MTG2: variants seen among roughly 807,000 people sequenced by gnomAD.
MTG2 encodes mitochondrial ribosome-associated GTPase 2.
In MTG2, 23 loss-of-function variants were observed where a neutral mutation model predicts 28.6. That is an observed-to-expected ratio of 0.80 (90% CI 0.58 to 1.14). The LOEUF (loss-of-function observed/expected upper bound fraction) is 1.14, where lower values mean the gene tolerates loss of function less well. Among genes scored for constraint, MTG2 ranks in the 50% most tolerant of loss-of-function variants. The pLI is 0.00. For synonymous variants in MTG2, 260 were observed against 251.8 expected (o/e 1.03, Z -0.31); for missense variants, 539 against 552.0 (o/e 0.98, Z 0.24).
At chr20:62,199,040 C>T in intron 5 of MTG2, 79 bp from the exon 6 acceptor site, 2 of 1,594,818 alleles carry the variant, frequency 1.3e-6, no homozygotes, top group Non-Finnish European at 1.7e-6. Flanking sequence ...ATCCTCCCTC[C>T]AATCCCAGTT....
intron 2 of MTG2, 166 bp downstream of exon 2, chr20:62,193,790 G>A (rs2058007244): frequency 4.3e-6 from 3 of 703,656 alleles, no homozygotes; most frequent in Admixed American, 3.0e-5. Flanking sequence ...GCAGGCCTGC[G>A]TGCTAAATCC....
intron 3 of MTG2, 107 bp from the exon 4 acceptor site, chr20:62,197,745 A>G: frequency 5.9e-6 from 5 of 841,672 alleles, no homozygotes; most frequent in Non-Finnish European, 7.9e-6. Flanking sequence ...CCCTCACTCC[A>G]TGCTTCCATA....
chr20:62,185,050 C>T (rs1171743948), intron 1 of MTG2, among the ~76,000 whole-genome samples: 1 of 151,994 alleles, frequency 6.6e-6, no homozygotes, highest in Non-Finnish European at 1.5e-5. Context: ...GCGGAGGTTA[C>T]AGTGAGCCAA....
chr20:62,198,387 G>C, intron 4 of MTG2: 1 of 580,668 alleles, frequency 1.7e-6, no homozygotes, highest in South Asian at 2.1e-5. Context: ...TAACGTTTTA[G>C]AAACACTATT....
chr20:62,197,985 G>C lies in MTG2; in HGVS notation c.468+18G>C, dbSNP rs6062140. ...ACATCCGGGTGAGCCGAGACTGCCG[G>C]ACCTGGCCCTGTCCCCGTTGTTCTG... On this transcript the variant is annotated intron_variant, in intron 4 of 6. Transcript: ENST00000370823. 0.35 allele frequency: 560,383 copies of C among 1,605,020 alleles called. 101,986 individuals carry two copies. The highest frequency in any genetic ancestry group is 0.69 in the East Asian group (30,784 of 44,786).
intron 1 of MTG2, among the ~76,000 whole-genome samples, chr20:62,192,392 AAGCATAGGAGCCTTTGTCCCC>A (rs2057977755): frequency 6.6e-6 from 1 of 152,216 alleles, no homozygotes; most frequent in African/African-American, 2.4e-5. Flanking sequence ...AGAGGGTCCT[AAGCATAGGAGCCTTTGTCCCC>A]AGGGAGTTGT....
intron 1 of MTG2, among the ~76,000 whole-genome samples, chr20:62,187,682 A>C (rs2057874936): frequency 6.6e-6 from 1 of 152,208 alleles, no homozygotes; most frequent in Admixed American, 6.5e-5. Context: ...GTGTCCTGAT[A>C]ACCCGTTGAA....
At chr20:62,198,605 T>C in intron 4 of MTG2, 29 bp from the exon 5 acceptor site, 2 of 1,607,546 alleles carry the variant, frequency 1.2e-6, no homozygotes, top group Non-Finnish European at 1.7e-6. Context: ...CTGGTAGAGC[T>C]CAGCTGATGA....
intron 1 of MTG2, among the ~76,000 whole-genome samples, chr20:62,183,979 A>T (rs1476843898): frequency 6.6e-6 from 1 of 152,198 alleles, no homozygotes; most frequent in Non-Finnish European, 1.5e-5. Flanking sequence ...AGGCCAGAGG[A>T]TACTATGTGA....
intron 1 of MTG2, among the ~76,000 whole-genome samples, chr20:62,188,207 A>G (rs1313371453): frequency 6.6e-6 from 1 of 150,692 alleles, no homozygotes; most frequent in Non-Finnish European, 1.5e-5. Flanking sequence ...TTCTCTTTTG[A>G]TTTCTTCTTT....
Position 62,188,508 on chromosome 20 carries a change from A to ATTTTTTT in MTG2, c.-5-4890_-5-4884dup, listed in dbSNP as rs1192106476. ...ACCACCATGTCCAGCTAATCAGCTA[A>ATTTTTTT]TTTTTTTTTTTTTTTTTTTTTTTTG... On this transcript the variant is annotated intron_variant, in intron 1 of 6. Transcript: ENST00000370823. 7.9e-4 allele frequency among the ~76,000 whole-genome samples: 71 copies of ATTTTTTT among 89,714 alleles called. 2 individuals carry two copies. Among genetic ancestry groups the ATTTTTTT allele is most frequent in the African/African-American group, 1.2e-3 (27 of 22,458 alleles). 58.9% of individuals were successfully genotyped at this position (89,714 alleles called of 152,430 possible).
At chr20:62,184,125 A>C (rs750895513) in intron 1 of MTG2, among the ~76,000 whole-genome samples, 6 of 152,300 alleles carry the variant, frequency 3.9e-5, no homozygotes, top group Admixed American at 2.6e-4. Flanking sequence ...TTGGGAGGCC[A>C]AGGCGGGCAG....
At chr20:62,189,458 C>T (rs777182181) in intron 1 of MTG2, among the ~76,000 whole-genome samples, 8 of 151,986 alleles carry the variant, frequency 5.3e-5, no homozygotes, top group Non-Finnish European at 7.4e-5. Context: ...TATAGGGGTG[C>T]GCCACCATGC....
rs1332163066 is a variant in MTG2 at position 62,201,098 on chromosome 20, C to T, written c.*21C>T. 15 of 1,557,722 alleles carry T rather than the reference C, an allele frequency of 9.6e-6. No homozygotes were observed. Among genetic ancestry groups the T allele is most frequent in the South Asian group, 4.7e-5 (4 of 84,982 alleles). ...GGTAGCCACGCCAGAGCGGGGTCGC[C>T]TCTGGGCCTCTGTCTGAGCAAACCT... On this transcript the variant is annotated 3_prime_UTR_variant, in exon 7 of 7. Coordinates refer to ENST00000370823, the MANE Select transcript of MTG2 (RefSeq NM_015666.4).
rs778922889 is a variant in MTG2 at position 62,198,758 on chromosome 20, A to G, written c.593A>G (p.Asn198Ser). Residue 198 changes from asparagine to serine, a missense_variant, in exon 5 of 7, where the codon AAC becomes AGC. Coordinates refer to ENST00000370823, the MANE Select transcript of MTG2 (RefSeq NM_015666.4). Reference sequence around the variant, plus strand: ...AAAGGCAACCGCTTCTTCCTGGCCAACAACAACCGTGCCCCTGTGACCTGT... The same window carrying G: ...AAAGGCAACCGCTTCTTCCTGGCCAGCAACAACCGTGCCCCTGTGACCTGT... ...GGKGNRFFLA[N>S]NNRAPVTCTP... is the part of the protein sequence containing the mutation. 1 of 1,614,136 alleles carries G rather than the reference A, an allele frequency of 6.2e-7. No homozygotes were observed. Among genetic ancestry groups the G allele is most frequent in the East Asian group, 2.2e-5 (1 of 44,886 alleles).
chr20:62,184,171 A>G (rs1240263309), intron 1 of MTG2, among the ~76,000 whole-genome samples: 4 of 152,236 alleles, frequency 2.6e-5, no homozygotes, highest in Non-Finnish European at 5.9e-5. Context: ...AGCCTGGCCA[A>G]CATGGTGAAA....
At chr20:62,199,908 G>C (rs566970199) in intron 6 of MTG2, 2 of 152,096 alleles carry the variant, frequency 1.3e-5, no homozygotes, top group South Asian at 4.2e-4. Flanking sequence ...TGTTGGCCAG[G>C]CTGGTCTCGA....
At chr20:62,194,486 CATGACAGCATTACACATTGAAATTTGG>C (rs2058023422) in intron 2 of MTG2, among the ~76,000 whole-genome samples, 1 of 152,222 alleles carries the variant, frequency 6.6e-6, no homozygotes, top group Non-Finnish European at 1.5e-5. Flanking sequence ...TGCGTTGGCG[CATGACAGCATTACACATTGAAATTTGG>C]AAATAACAGT....
intron 2 of MTG2, among the ~76,000 whole-genome samples, chr20:62,194,917 C>T (rs2058032037): frequency 6.6e-6 from 1 of 152,242 alleles, no homozygotes; most frequent in African/African-American, 2.4e-5. Flanking sequence ...GCTTTCCTAG[C>T]CGGGCACAGT....
Sources: gnomAD v4.1 joint callset for allele counts (sites outside exome capture counted in the v4.1 genomes callset) on GRCh38, gnomAD v4.1.1 for gene constraint, MANE v1.5 for transcripts, NCBI Gene and HGNC (gene_info 2026-07-23, HGNC 2026-07-21) for gene names.